Variants in TINAG observed in about 807,000 individuals in gnomAD.
TINAG encodes tubulointerstitial nephritis antigen.
TINAG carries 83 observed loss-of-function variants against 72.7 expected under a neutral mutation model. The ratio of observed to expected loss-of-function variants is 1.14; its 90% confidence interval spans 0.96 to 1.37. The LOEUF (loss-of-function observed/expected upper bound fraction) is 1.37. TINAG is among the 40% of genes most tolerant of loss of function. TINAG has a pLI of 0.00. For missense variants in TINAG, 685 were observed against 576.6 expected (o/e 1.19, Z -1.93); for synonymous variants, 234 against 189.9 (o/e 1.23, Z -1.91).
intron 9 of TINAG, among the ~76,000 whole-genome samples, chr6:54,374,481 T>A (rs929848804): frequency 6.6e-6 from 1 of 152,152 alleles, no homozygotes; most frequent in African/African-American, 2.4e-5. Context: ...CTAGCATTAA[T>A]TAGCACTTTT....
intron 10 of TINAG, among the ~76,000 whole-genome samples, chr6:54,380,798 T>G (rs943521494): frequency 3.3e-5 from 5 of 151,768 alleles, no homozygotes; most frequent in Admixed American, 6.6e-5. Flanking sequence ...TCAGTGTTTA[T>G]TTTTCCCCAA....
Position 54,308,539 on chromosome 6 carries a change from G to T in TINAG, c.-12G>T. 2 of 1,597,072 alleles carry T rather than the reference G, an allele frequency of 1.3e-6. No homozygotes were observed. The highest frequency in any genetic ancestry group is 2.3e-5 in the South Asian group (2 of 88,436). On this transcript the variant is annotated 5_prime_UTR_variant, in exon 1 of 11. Coordinates refer to ENST00000259782, the MANE Select transcript of TINAG (RefSeq NM_014464.4). ...ATAACGGAAAGTGGAAGCTATACCT[G>T]ACTTCCAGAGAATGTGGACCGGATA...
At chr6:54,368,144 A>G (rs1562178243) in intron 9 of TINAG, among the ~76,000 whole-genome samples, 1 of 150,940 alleles carries the variant, frequency 6.6e-6, no homozygotes, top group Non-Finnish European at 1.5e-5. Flanking sequence ...TTGTAATTTT[A>G]TTTCTGATGG....
At position 54,367,389 on chromosome 6, in the gene TINAG, T is replaced by G. The variant is rs577031575; in HGVS notation, c.1250+12753T>G. On this transcript the variant is annotated intron_variant, in intron 9 of 10. Transcript: ENST00000259782. ...TTTTCCTGATGCACTTTGGCAAAGA[T>G]GAGCTCCGGGAAATACATACATAAA... 2.6e-5 allele frequency among the ~76,000 whole-genome samples: 4 copies of G among 151,906 alleles called. No homozygotes were observed. In the South Asian group the frequency reaches 8.3e-4, roughly 31 times the overall value.
intron 4 of TINAG, among the ~76,000 whole-genome samples, chr6:54,330,527 A>AAT (rs1255439159): frequency 1.3e-5 from 2 of 152,180 alleles, no homozygotes; most frequent in African/African-American, 4.8e-5. Context: ...CAGACACCCT[A>AAT]ATATCACAGT....
chr6:54,307,927 G>C, upstream of TINAG: 1 of 1,000,746 alleles, frequency 1.0e-6, no homozygotes, highest in South Asian at 1.5e-5. Flanking sequence ...ATTTCTTGCT[G>C]AATTAGGTTC....
chr6:54,368,123 A>G (rs1306580795), intron 9 of TINAG, among the ~76,000 whole-genome samples: 2 of 151,266 alleles, frequency 1.3e-5, no homozygotes, highest in African/African-American at 2.4e-5. Flanking sequence ...AAACCCCATT[A>G]TTGTTGGATT....
chr6:54,346,778 A>G (rs1276985053), intron 5 of TINAG, among the ~76,000 whole-genome samples: 1 of 152,030 alleles, frequency 6.6e-6, no homozygotes, highest in Non-Finnish European at 1.5e-5. Flanking sequence ...TAGATACTGT[A>G]TAAGATAGAT....
chr6:54,357,378 A>G (rs1763085635), intron 9 of TINAG, among the ~76,000 whole-genome samples: 1 of 151,906 alleles, frequency 6.6e-6, no homozygotes, highest in South Asian at 2.1e-4. Context: ...AACTGAATTT[A>G]TATCTCAGCT....
rs1268172430 is a variant in TINAG, at chr6:54,354,641, G to A, written c.1250+5G>A. ...ACATGCAGTCAAACTCACTGGGTAAGGCAATTAAACAAAATTCATTTAATT... is the reference window on the plus strand; with the variant it reads ...ACATGCAGTCAAACTCACTGGGTAAAGCAATTAAACAAAATTCATTTAATT... On this transcript the variant is annotated splice_donor_5th_base_variant and intron_variant, in intron 9 of 10. Transcript: ENST00000259782. 1 of 1,601,504 alleles carries A rather than the reference G, an allele frequency of 6.2e-7. No homozygotes were observed. Among genetic ancestry groups the A allele is most frequent in the East Asian group, 2.3e-5 (1 of 44,220 alleles).
chr6:54,310,580 TCTC>T (rs1784221024), intron 1 of TINAG, among the ~76,000 whole-genome samples: 1 of 149,320 alleles, frequency 6.7e-6, no homozygotes, highest in Non-Finnish European at 1.5e-5. Flanking sequence ...CTCTCTTTCT[TCTC>T]TTCTTTCTTT....
At chr6:54,308,199 C>A (rs1482503191), upstream of TINAG, 8 of 1,351,192 alleles carry the variant, frequency 5.9e-6, no homozygotes, top group South Asian at 1.3e-5. Context: ...AGGAGGCTTT[C>A]GATTTAAGAA....
intron 7 of TINAG, among the ~76,000 whole-genome samples, chr6:54,350,218 C>T (rs1785231766): frequency 6.6e-6 from 1 of 151,650 alleles, no homozygotes; most frequent in Admixed American, 6.6e-5. Context: ...TTTTCACTGA[C>T]TTTTTTGTGG....
intron 3 of TINAG, among the ~76,000 whole-genome samples, chr6:54,325,919 T>C (rs1253315617): frequency 6.6e-6 from 1 of 152,148 alleles, no homozygotes; most frequent in African/African-American, 2.4e-5. Context: ...TAAGTTGTGT[T>C]TTCAATGATT....
chr6:54,344,519 G>T (rs1785074566), intron 5 of TINAG, among the ~76,000 whole-genome samples: 1 of 152,094 alleles, frequency 6.6e-6, no homozygotes, highest in South Asian at 2.1e-4. Context: ...GTGGAGAGAG[G>T]TTTAATATAA....
At chr6:54,382,573 C>G (rs1402866544) in intron 10 of TINAG, among the ~76,000 whole-genome samples, 4 of 152,036 alleles carry the variant, frequency 2.6e-5, no homozygotes, top group Non-Finnish European at 4.4e-5. Context: ...TATTATCCCA[C>G]AGATATAGAT....
At chr6:54,371,919 A>C (rs931503857) in intron 9 of TINAG, among the ~76,000 whole-genome samples, 2 of 150,764 alleles carry the variant, frequency 1.3e-5, no homozygotes, top group Non-Finnish European at 3.0e-5. Flanking sequence ...ATCTGGGAGC[A>C]ATGGATTATA....
chr6:54,316,688 T>TATC (rs1784380552), intron 1 of TINAG, among the ~76,000 whole-genome samples: 1 of 152,152 alleles, frequency 6.6e-6, no homozygotes, highest in African/African-American at 2.4e-5. Context: ...AGAAGTGAAG[T>TATC]TTTGACCAGC....
chr6:54,351,694 A>T (rs926620379), intron 8 of TINAG, among the ~76,000 whole-genome samples: 5 of 151,926 alleles, frequency 3.3e-5, no homozygotes, highest in Non-Finnish European at 7.4e-5. Flanking sequence ...GACCAACAGA[A>T]AGTCCAACAT....
Sources: allele counts gnomAD v4.1 joint callset (sites outside exome capture counted in the v4.1 genomes callset), GRCh38; gene constraint gnomAD v4.1.1; transcripts MANE v1.5; gene names NCBI Gene and HGNC (gene_info 2026-07-23, HGNC 2026-07-21).